CTNNA2: variants seen among roughly 807,000 people sequenced by gnomAD.
CTNNA2 encodes the protein catenin alpha 2.
A neutral mutation model predicts 101.0 loss-of-function variants in CTNNA2; 42 were observed. That is an observed-to-expected ratio of 0.42 (90% confidence interval 0.32 to 0.54). CTNNA2 has a LOEUF of 0.54. Among genes scored for constraint, CTNNA2 ranks in the 20% least tolerant of loss-of-function variants. The probability of loss-of-function intolerance (pLI) is 0.14; values close to 1 mark genes in which losing one functional copy is unlikely to be tolerated. For missense variants in CTNNA2, 871 were observed against 1,223.1 expected (o/e 0.71, Z 4.29); for synonymous variants, 450 against 456.4 (o/e 0.99, Z 0.18).
intron 7 of CTNNA2, among the ~76,000 whole-genome samples, chr2:80,391,132 A>G (rs943343074): frequency 3.8e-5 from 5 of 130,408 alleles, no homozygotes; most frequent in South Asian, 5.0e-4. Context: ...ACTGTCTCAG[A>G]AAAAAAAAAA....
intron 7 of CTNNA2, among the ~76,000 whole-genome samples, chr2:80,356,600 A>G (rs1174640434): frequency 1.3e-5 from 2 of 152,192 alleles, no homozygotes; most frequent in African/African-American, 4.8e-5. Flanking sequence ...GAAATGAGAG[A>G]GAACAGAAGG....
intron 3 of CTNNA2, among the ~76,000 whole-genome samples, chr2:79,350,980 T>G (rs1020065786): frequency 1.3e-5 from 2 of 152,164 alleles, no homozygotes; most frequent in Admixed American, 6.5e-5. Flanking sequence ...CTTGTTAATG[T>G]TTTTGTTTGT....
chr2:80,029,882 C>G (rs970624892), intron 7 of CTNNA2, among the ~76,000 whole-genome samples: 1 of 151,944 alleles, frequency 6.6e-6, no homozygotes, highest in Non-Finnish European at 1.5e-5. Flanking sequence ...GCAAAAATAT[C>G]CAGACACAAA....
At chr2:80,043,101 C>T (rs60028955) in intron 7 of CTNNA2, among the ~76,000 whole-genome samples, 425 of 30,580 alleles carry the variant, frequency 0.014, 13 homozygotes, top group South Asian at 0.019. Flanking sequence ...CTTTCTCTCT[C>T]TCTCTCTCTC....
intron 3 of CTNNA2, among the ~76,000 whole-genome samples, chr2:79,331,636 C>T (rs921057191): frequency 2.6e-5 from 4 of 152,140 alleles, no homozygotes; most frequent in African/African-American, 9.7e-5. Flanking sequence ...GTCTTTGTGC[C>T]TTCTTCCTGG....
intron 2 of CTNNA2, among the ~76,000 whole-genome samples, chr2:79,660,424 A>G (rs1290135161): frequency 2.6e-5 from 4 of 151,488 alleles, no homozygotes; most frequent in African/African-American, 9.7e-5. Context: ...TAAGTAACTA[A>G]GTTGTGATTT....
At chr2:79,652,851 A>C (rs1681355424) in intron 2 of CTNNA2, among the ~76,000 whole-genome samples, 1 of 152,166 alleles carries the variant, frequency 6.6e-6, no homozygotes, top group Admixed American at 6.5e-5. Context: ...TCAACCAATC[A>C]TAGCATCAAC....
At chr2:79,672,852 G>A (rs1682938313) in intron 2 of CTNNA2, among the ~76,000 whole-genome samples, 1 of 151,736 alleles carries the variant, frequency 6.6e-6, no homozygotes, top group Non-Finnish European at 1.5e-5. Flanking sequence ...TGAGATTACA[G>A]GCGCCTGCCA....
chr2:79,966,560 G>A (rs940906272), intron 7 of CTNNA2, among the ~76,000 whole-genome samples: 4 of 152,024 alleles, frequency 2.6e-5, no homozygotes, highest in Non-Finnish European at 4.4e-5. Flanking sequence ...TTACACCTAC[G>A]TCATTAACCT....
At chr2:80,507,474 T>C (rs1396764397) in intron 9 of CTNNA2, among the ~76,000 whole-genome samples, 1 of 152,156 alleles carries the variant, frequency 6.6e-6, no homozygotes, top group African/African-American at 2.4e-5. Context: ...AAGAGAAAAA[T>C]CTATGACACA....
At chr2:80,010,769 A>T (rs1356833547) in intron 7 of CTNNA2, among the ~76,000 whole-genome samples, 1 of 152,086 alleles carries the variant, frequency 6.6e-6, no homozygotes, top group African/African-American at 2.4e-5. Flanking sequence ...TTAGAATGAA[A>T]ATTCTCCACA....
At chr2:79,280,480 T>A (rs898267552) in intron 2 of CTNNA2, among the ~76,000 whole-genome samples, 1 of 151,974 alleles carries the variant, frequency 6.6e-6, no homozygotes, top group African/African-American at 2.4e-5. Context: ...GGAAAAAATA[T>A]CCCCGGAGCA....
intron 9 of CTNNA2, among the ~76,000 whole-genome samples, chr2:80,499,031 G>A (rs796763553): frequency 1.3e-5 from 2 of 152,130 alleles, no homozygotes; most frequent in Non-Finnish European, 2.9e-5. Context: ...TGCCCTGTTC[G>A]TAGATTGAGA....
At chr2:80,160,026 T>G (rs1048772087) in intron 7 of CTNNA2, among the ~76,000 whole-genome samples, 1 of 152,224 alleles carries the variant, frequency 6.6e-6, no homozygotes, top group Admixed American at 6.5e-5. Context: ...TAGGTCAGGC[T>G]TCACTTCTTT....
At chr2:80,408,826 A>T (rs2149390570) in intron 8 of CTNNA2, among the ~76,000 whole-genome samples, 1 of 152,304 alleles carries the variant, frequency 6.6e-6, no homozygotes, top group Admixed American at 6.5e-5. Flanking sequence ...GATCTTAAGT[A>T]AAATGGCACT....
intron 3 of CTNNA2, among the ~76,000 whole-genome samples, chr2:79,829,422 A>AC (rs1553376366): frequency 6.2e-4 from 77 of 123,956 alleles, no homozygotes; most frequent in African/African-American, 2.2e-3. Context: ...CACAGACACA[A>AC]AGCCGGGCGA....
At chr2:79,780,333 A>G (rs1280352888) in intron 3 of CTNNA2, among the ~76,000 whole-genome samples, 1 of 152,214 alleles carries the variant, frequency 6.6e-6, no homozygotes, top group African/African-American at 2.4e-5. Flanking sequence ...CTGGCTCAGA[A>G]TAAATCTCTT....
At chr2:79,917,615 A>T (rs899888099) in intron 7 of CTNNA2, among the ~76,000 whole-genome samples, 9 of 151,828 alleles carry the variant, frequency 5.9e-5, no homozygotes, top group African/African-American at 2.2e-4. Context: ...TTTTTTTCTT[A>T]CTTCCTTTTT....
chr2:80,098,919 C>G (rs185459376), intron 7 of CTNNA2, among the ~76,000 whole-genome samples: 1,743 of 152,180 alleles, frequency 0.011, 35 homozygotes, highest in African/African-American at 0.039. Context: ...CTTTCTTTGA[C>G]TAGGAAAGGG....
Sources: gnomAD v4.1 joint callset for allele counts (sites outside exome capture counted in the v4.1 genomes callset) on GRCh38, gnomAD v4.1.1 for gene constraint, MANE v1.5 for transcripts, NCBI Gene and HGNC (gene_info 2026-07-23, HGNC 2026-07-21) for gene names.